CHFR: variants seen among roughly 807,000 people sequenced by gnomAD.
The protein encoded by CHFR is checkpoint with forkhead and ring finger domains, also known as E3 ubiquitin-protein ligase CHFR.
Under a neutral mutation model 87.6 loss-of-function variants are expected in CHFR, and 57 were observed. That is an observed-to-expected ratio of 0.65 (90% CI 0.53 to 0.81). The LOEUF is 0.81. Ranked by LOEUF, CHFR falls within the 30% of genes least tolerant of loss-of-function variation. CHFR has a pLI of 0.00. For missense variants in CHFR, 797 were observed against 865.8 expected (o/e 0.92, Z 1.00); for synonymous variants, 381 against 359.2 (o/e 1.06, Z -0.69).
Position 132,872,350 on chromosome 12 carries a change from T to C in CHFR, c.278A>G (p.Gln93Arg), listed in dbSNP as rs145622325. 510 of 1,613,648 alleles carry C rather than the reference T, an allele frequency of 3.2e-4. No homozygotes were observed. The highest frequency in any genetic ancestry group is 4.0e-4 in the Non-Finnish European group (469 of 1,179,652). Residue 93 changes from glutamine (Q) to arginine (R), a missense_variant, in exon 4 of 18, where the codon CAG (glutamine) becomes CGG (arginine). By Grantham distance (43) the Gln-to-Arg change is conservative (BLOSUM62 1). Around this residue, in one of 2 missense-constraint regions of CHFR, gnomAD observed 597 missense variants for 601.2 expected, o/e 0.99. Coordinates refer to ENST00000450056, the MANE Select transcript of CHFR (RefSeq NM_001161346.2). ...ATCCCCAGTCTGTAAAGGGCATGTC[T>C]GCTTCTTAACAACCTTCAGCTTGTT... ...VINKLKVVKK[Q>R]TCPLQTGDVI...
chr12:132,846,323 C>G (rs973582499), intron 15 of CHFR, among the ~76,000 whole-genome samples: 1 of 145,430 alleles, frequency 6.9e-6, no homozygotes, highest in Admixed American at 7.1e-5. Context: ...AGTGCAGTGG[C>G]GTGATTTTGG....
At chr12:132,876,856 G>A (rs186864702) in intron 3 of CHFR, among the ~76,000 whole-genome samples, 91 of 152,290 alleles carry the variant, frequency 6.0e-4, no homozygotes, top group Non-Finnish European at 1.0e-3. Context: ...GTGCAGTGGT[G>A]CCATCTCAGC....
chr12:132,848,923 GAAA>G, intron 12 of CHFR, 199 bp from the exon 13 acceptor site: 1 of 526,774 alleles, frequency 1.9e-6, no homozygotes, highest in South Asian at 3.0e-5. Flanking sequence ...TTGTATCCCT[GAAA>G]AAAGGCGAGG....
At chr12:132,884,815 A>T (rs984071072) in intron 2 of CHFR, among the ~76,000 whole-genome samples, 1 of 152,168 alleles carries the variant, frequency 6.6e-6, no homozygotes, top group Non-Finnish European at 1.5e-5. Context: ...GGCCAGGCAC[A>T]GTGGCTCACA....
At chr12:132,864,342 C>T (rs1162499075) in intron 6 of CHFR, among the ~76,000 whole-genome samples, 5 of 152,222 alleles carry the variant, frequency 3.3e-5, no homozygotes, top group East Asian at 3.8e-4. Flanking sequence ...GCTCAGCCAA[C>T]GTGGAGAGGA....
intron 6 of CHFR, 148 bp downstream of exon 6, chr12:132,869,471 C>A: frequency 1.5e-6 from 1 of 676,708 alleles, no homozygotes; most frequent in South Asian, 1.9e-5. Flanking sequence ...GGGAACAACA[C>A]ACTCAATATT....
chr12:132,854,790 A>G (rs993553572), intron 10 of CHFR: 2 of 151,340 alleles, frequency 1.3e-5, no homozygotes, highest in Non-Finnish European at 1.5e-5. Context: ...TGGGCAACAG[A>G]GCGAAACTCC....
In CHFR at chr12:132,839,211, T is replaced by C. The variant is rs1390109583; in HGVS notation, c.*2343A>G. The C allele has an allele frequency of 1.9e-5, 3 of 158,602 alleles. No homozygotes were observed. Among genetic ancestry groups the C allele is most frequent in the Non-Finnish European group, 2.8e-5 (2 of 72,542 alleles). 9.8% of individuals were successfully genotyped at this position (158,602 alleles called of 1,614,324 possible). A position where few individuals can be genotyped will look rare whatever the true frequency, so the allele number is the denominator to read the frequency against. ...GGAAGAGTGAGTATCAACCGATCTC[T>C]CTAAGACACAGACGCAGGGTAGCCC... is the stretch of plus-strand genomic sequence containing the variant. On this transcript the variant is annotated 3_prime_UTR_variant, in exon 18 of 18. Transcript: ENST00000450056.
Position 132,841,443 on chromosome 12 carries a change from C to T in CHFR, c.*111G>A, listed in dbSNP as rs1341331550. On this transcript the variant is annotated 3_prime_UTR_variant, in exon 18 of 18. Coordinates refer to ENST00000450056, the MANE Select transcript of CHFR (RefSeq NM_001161346.2). ...CCCAGAGCACCTGTCGGAGACCCTG[C>T]GTCCCTTCCCTCAGGGGGCTGTGAA... 7.5e-6 allele frequency: 7 copies of T among 933,370 alleles called. No individual in the cohort carries two copies. The highest frequency in any genetic ancestry group is 5.2e-5 in the Admixed American group (3 of 57,246). The allele number at this position is 933,370 out of a possible 1,614,324, so 57.8% of individuals were successfully genotyped here. A position where few individuals can be genotyped will look rare whatever the true frequency, so the allele number is the denominator to read the frequency against.
In CHFR at chr12:132,869,725, G is replaced by C. The variant is rs1951440598; in HGVS notation, c.477C>G (p.Cys159Trp). 21 of 1,551,714 alleles carry C rather than the reference G, an allele frequency of 1.4e-5. No individual in the cohort carries two copies. Among genetic ancestry groups the C allele is most frequent in the Non-Finnish European group, 1.8e-5 (21 of 1,147,004 alleles). Residue 159 changes from cysteine (C) to tryptophan (W), a missense_variant, in exon 6 of 18, where the codon TGC (cysteine) becomes TGG (tryptophan). Cys to Trp is a radical substitution (Grantham distance 215). Coordinates refer to ENST00000450056, the MANE Select transcript of CHFR (RefSeq NM_001161346.2). Reference sequence around the variant, plus strand: ...ATGTTGATGGCTGTGGTTCCTCAAAGCACACCTGAGTGGCGGGCGACGACG... The same window carrying C: ...ATGTTGATGGCTGTGGTTCCTCAAACCACACCTGAGTGGCGGGCGACGACG... ...VPPSSPATQV[C>W]FEEPQPSTST...
chr12:132,855,213 G>C (rs1254379262), intron 10 of CHFR, among the ~76,000 whole-genome samples: 2 of 147,740 alleles, frequency 1.4e-5, no homozygotes, highest in Admixed American at 6.9e-5. Context: ...CTGCACTCCA[G>C]CCTGGGCAAC....
Position 132,843,958 on chromosome 12 carries a change from AAG to A in CHFR, c.1843+67_1843+68del, listed in dbSNP as rs1427590342. 4.1e-4 allele frequency: 391 copies of A among 963,904 alleles called. No homozygotes were observed. The Middle Eastern group carries it at 7.1e-3, about 17-fold the overall frequency. 59.7% of individuals were successfully genotyped at this position (963,904 alleles called of 1,614,324 possible). On this transcript the variant is annotated intron_variant, in intron 16 of 17. Coordinates refer to ENST00000450056, the MANE Select transcript of CHFR (RefSeq NM_001161346.2). ...CAGCGAAACTGTCTCAAAAAAAAAA[AAG>A]AGAGGCAGAAGCCAAGAAGCCAACC...
At chr12:132,885,971 T>C (rs1163480440) in intron 2 of CHFR, among the ~76,000 whole-genome samples, 2 of 152,278 alleles carry the variant, frequency 1.3e-5, no homozygotes, top group Middle Eastern at 3.4e-3. Flanking sequence ...AGTTGTAAAA[T>C]AAACTTTGAC....
chr12:132,868,245 A>G (rs1404768109), intron 6 of CHFR, among the ~76,000 whole-genome samples: 1 of 152,220 alleles, frequency 6.6e-6, no homozygotes, highest in Non-Finnish European at 1.5e-5. Context: ...TAATCCTAGC[A>G]CTTTGGGAGG....
chr12:132,872,236 C>A (rs772040473), intron 4 of CHFR, 49 bp downstream of exon 4: 1 of 1,211,074 alleles, frequency 8.3e-7, no homozygotes, highest in Non-Finnish European at 1.2e-6. Flanking sequence ...AGCGCCCTCA[C>A]GTGCACCCCC....
At chr12:132,868,735 A>C (rs571130425) in intron 6 of CHFR, among the ~76,000 whole-genome samples, 1 of 151,992 alleles carries the variant, frequency 6.6e-6, no homozygotes, top group Admixed American at 6.5e-5. Flanking sequence ...TCTAGAACAG[A>C]AAAATCCAGA....
At chr12:132,849,224 C>T (rs1950888980) in intron 12 of CHFR, 1 of 153,618 alleles carries the variant, frequency 6.5e-6, no homozygotes, top group South Asian at 2.0e-4. Flanking sequence ...GCTAGGATTA[C>T]AGGCATGATG....
intron 1 of CHFR, 64 bp downstream of exon 1, chr12:132,887,483 T>A: frequency 7.3e-6 from 3 of 408,696 alleles, no homozygotes; most frequent in African/African-American, 2.2e-5. Flanking sequence ...GGGCGCCCCC[T>A]CCCACGGCCG....
chr12:132,867,733 G>A (rs11147116), intron 6 of CHFR: 31,356 of 151,972 alleles, frequency 0.21, 3,458 homozygotes, highest in African/African-American at 0.27. Flanking sequence ...GTAAGAACGC[G>A]AGAGCCAAGC....
Sources: gnomAD v4.1 joint callset for allele counts (sites outside exome capture counted in the v4.1 genomes callset) on GRCh38, gnomAD v4.1.1 for gene constraint, gnomAD v4.1.1 regional missense constraint, MANE v1.5 for transcripts, NCBI Gene and HGNC (gene_info 2026-07-23, HGNC 2026-07-21) for gene names.